The following GLI2 variants were observed in gnomAD, a reference collection of about 807,000 sequenced individuals.
GLI2 encodes the protein transcription activator GLI2.
GLI2 carries 22 observed loss-of-function variants against 78.9 expected under a neutral mutation model. The ratio of observed to expected loss-of-function variants is 0.28; its 90% CI spans 0.20 to 0.40. The LOEUF (loss-of-function observed/expected upper bound fraction) is 0.40, where lower values mean the gene tolerates loss of function less well. Among genes scored for constraint, GLI2 ranks in the 10% least tolerant of loss-of-function variants. The probability of loss-of-function intolerance (pLI) is 1.00; values close to 1 mark genes in which losing one functional copy is unlikely to be tolerated. For synonymous variants in GLI2, 974 were observed against 963.7 expected (o/e 1.01, Z -0.20); for missense variants, 2,097 against 2,213.2 (o/e 0.95, Z 1.05).
chr2:120,988,720 G>A lies in GLI2; in HGVS notation c.2755G>A (p.Gly919Arg). Residue 919 changes from glycine to arginine, a missense_variant, in exon 14 of 14, where the codon GGG (glycine) becomes AGG (arginine). Gly to Arg is a moderately radical substitution (Grantham distance 125). This residue lies in a region of GLI2 where 1,290 missense variants were observed against 1,261.7 expected (regional missense o/e 1.02). Coordinates refer to ENST00000361492, the MANE Select transcript of GLI2 (RefSeq NM_001374353.1). Reference protein sequence around the residue: ...TLPAGCPRPLGPRRGSDGPTY... With the variant: ...TLPAGCPRPLRPRRGSDGPTY... The stretch of plus-strand genomic sequence containing the variant: ...GCCCGCCGGCTGCCCACGCCCACTG[G>A]GGCCGCGGCGTGGCAGCGACGGGCC... 8.3e-7 allele frequency: 1 copy of A among 1,198,088 alleles called. No individual in the cohort carries two copies. The allele number at this position is 1,198,088 out of a possible 1,614,324, so 74.2% of individuals were successfully genotyped here.
intron 11 of GLI2, among the ~76,000 whole-genome samples, chr2:120,984,008 G>C (rs113063143): frequency 1.3e-5 from 2 of 149,468 alleles, no homozygotes; most frequent in Non-Finnish European, 3.0e-5. Flanking sequence ...ACTGAGGTTC[G>C]GAAATCCTGG....
rs140317739 is a variant in GLI2 at position 120,915,742 on chromosome 2, G to C, written c.149-11619G>C. Reference sequence around the variant, plus strand: ...CAAGGCTCCCTAGCAAGGGGAGAAAGTCCCTGGCAGCCTCTCCCAGCCCTG... The same window carrying C: ...CAAGGCTCCCTAGCAAGGGGAGAAACTCCCTGGCAGCCTCTCCCAGCCCTG... On this transcript the variant is annotated intron_variant, in intron 2 of 13. Transcript: ENST00000361492. Among the ~76,000 whole-genome samples, 70 of 152,240 alleles carry C rather than the reference G, an allele frequency of 4.6e-4. No individual in the cohort carries two copies. In the Middle Eastern group the frequency reaches 0.01, roughly 22 times the overall value.
chr2:120,840,200 A>G (rs1371515756), intron 2 of GLI2, among the ~76,000 whole-genome samples: 1 of 152,148 alleles, frequency 6.6e-6, no homozygotes, highest in African/African-American at 2.4e-5. Flanking sequence ...AAAAATTTCC[A>G]CCAACCATCT....
chr2:120,964,881 C>T (rs927434029), intron 5 of GLI2, among the ~76,000 whole-genome samples: 1 of 152,260 alleles, frequency 6.6e-6, no homozygotes, highest in Non-Finnish European at 1.5e-5. Flanking sequence ...TTAGAAAGTC[C>T]AGACATCAGG....
intron 6 of GLI2, among the ~76,000 whole-genome samples, 186 bp from the exon 7 acceptor site, chr2:120,970,207 G>A (rs555447343): frequency 2.6e-5 from 4 of 152,242 alleles, no homozygotes; most frequent in African/African-American, 4.8e-5. Flanking sequence ...GGAGCTGATC[G>A]CAGAAGGTGA....
At chr2:120,748,526 G>A (rs1055871976) in intron 1 of GLI2, among the ~76,000 whole-genome samples, 8 of 152,186 alleles carry the variant, frequency 5.3e-5, no homozygotes, top group African/African-American at 1.9e-4. Flanking sequence ...TCTGGTATGT[G>A]GGAGAGTCAG....
At chr2:120,971,883 T>C in intron 7 of GLI2, 58 bp from the exon 8 acceptor site, 2 of 1,555,546 alleles carry the variant, frequency 1.3e-6, no homozygotes, top group Non-Finnish European at 1.8e-6. Context: ...TCCAAAAAAA[T>C]TTGGGATATC....
At chr2:120,739,799 A>G (rs1241148132) in intron 1 of GLI2, among the ~76,000 whole-genome samples, 1 of 152,276 alleles carries the variant, frequency 6.6e-6, no homozygotes, top group Non-Finnish European at 1.5e-5. Context: ...TTCAGATTCC[A>G]GAAAATTCAG....
intron 1 of GLI2, among the ~76,000 whole-genome samples, chr2:120,748,838 T>G (rs923400527): frequency 6.7e-6 from 1 of 149,902 alleles, no homozygotes; most frequent in Non-Finnish European, 1.5e-5. Context: ...ATTAAGATTA[T>G]AGTGATCTTG....
intron 2 of GLI2, among the ~76,000 whole-genome samples, chr2:120,910,081 TC>T (rs968749508): frequency 1.3e-5 from 2 of 152,208 alleles, no homozygotes; most frequent in Non-Finnish European, 2.9e-5. Flanking sequence ...TCCCTCTGGG[TC>T]CCCTCCGTTT....
chr2:120,915,294 G>A (rs558188902), intron 2 of GLI2, among the ~76,000 whole-genome samples: 22 of 152,360 alleles, frequency 1.4e-4, no homozygotes, highest in African/African-American at 4.8e-4. Flanking sequence ...GCCTGATTGC[G>A]TGAGTGGCCT....
chr2:120,945,197 G>A (rs959718835), intron 3 of GLI2, among the ~76,000 whole-genome samples: 5 of 152,222 alleles, frequency 3.3e-5, no homozygotes, highest in African/African-American at 9.6e-5. Flanking sequence ...AAGAAGCATA[G>A]GCGTCCTCCA....
chr2:120,750,497 T>A (rs1288215642), intron 1 of GLI2, among the ~76,000 whole-genome samples: 1 of 152,238 alleles, frequency 6.6e-6, no homozygotes, highest in Non-Finnish European at 1.5e-5. Flanking sequence ...TGAGGATAAC[T>A]CTAAGACCCA....
At chr2:120,938,001 C>T (rs1056692774) in intron 3 of GLI2, among the ~76,000 whole-genome samples, 4 of 152,220 alleles carry the variant, frequency 2.6e-5, no homozygotes, top group African/African-American at 9.6e-5. Context: ...CAAGACTGCA[C>T]ATCTTATCTC....
intron 2 of GLI2, among the ~76,000 whole-genome samples, chr2:120,862,848 A>G (rs1687966457): frequency 6.6e-6 from 1 of 152,194 alleles, no homozygotes; most frequent in Non-Finnish European, 1.5e-5. Context: ...CCTCCAGCTA[A>G]TAGGGCTGGT....
At chr2:120,883,265 C>T (rs551472691) in intron 2 of GLI2, among the ~76,000 whole-genome samples, 2 of 152,152 alleles carry the variant, frequency 1.3e-5, no homozygotes, top group African/African-American at 2.4e-5. Context: ...GTGAGCAGAT[C>T]GCTTGAGCCC....
At chr2:120,851,430 G>T (rs1687402151) in intron 2 of GLI2, among the ~76,000 whole-genome samples, 2 of 152,274 alleles carry the variant, frequency 1.3e-5, no homozygotes, top group African/African-American at 2.4e-5. Flanking sequence ...GGGACTGGAG[G>T]TGGCCCCTGC....
At chr2:120,812,989 G>A (rs1028320815) in intron 2 of GLI2, among the ~76,000 whole-genome samples, 3 of 152,204 alleles carry the variant, frequency 2.0e-5, no homozygotes, top group African/African-American at 4.8e-5. Context: ...GGGAAAGAGC[G>A]CTGGTCTGGG....
chr2:120,851,179 G>T (rs775106555), intron 2 of GLI2, among the ~76,000 whole-genome samples: 74 of 152,216 alleles, frequency 4.9e-4, no homozygotes, highest in Non-Finnish European at 8.5e-4. Flanking sequence ...GAAAGAACTT[G>T]CATGGGCCCC....
Sources: allele counts gnomAD v4.1 joint callset (sites outside exome capture counted in the v4.1 genomes callset), GRCh38; gene constraint gnomAD v4.1.1; regional missense constraint gnomAD v4.1.1; transcripts MANE v1.5; gene names NCBI Gene and HGNC (gene_info 2026-07-23, HGNC 2026-07-21).